The following FAM135B variants were observed in gnomAD, a reference collection of about 807,000 sequenced individuals.
FAM135B encodes family with sequence similarity 135 member B.
Under a neutral mutation model 127.7 loss-of-function variants are expected in FAM135B, and 43 were observed. That is an observed-to-expected ratio of 0.34 (90% CI 0.26 to 0.43). The LOEUF (loss-of-function observed/expected upper bound fraction) is 0.43, where lower values mean the gene tolerates loss of function less well. Ranked by LOEUF, FAM135B falls within the 20% of genes least tolerant of loss-of-function variation. FAM135B has a pLI of 1.00. For missense variants in FAM135B, 1,558 were observed against 1,725.6 expected (o/e 0.90, Z 1.72); for synonymous variants, 670 against 665.1 (o/e 1.01, Z -0.11).
intron 12 of FAM135B, among the ~76,000 whole-genome samples, chr8:138,164,426 C>A (rs115758565): frequency 6.6e-6 from 1 of 152,186 alleles, no homozygotes; most frequent in Non-Finnish European, 1.5e-5. Context: ...CAAAGAGAGG[C>A]TGGTCCTAAA....
chr8:138,197,535 C>T lies in FAM135B; in HGVS notation c.804G>A (p.Glu268=), dbSNP rs2131136542. 1 of 1,614,110 alleles carries T rather than the reference C, an allele frequency of 6.2e-7. No homozygotes were observed. Among genetic ancestry groups the T allele is most frequent in the Non-Finnish European group, 8.5e-7 (1 of 1,180,006 alleles). The change falls in exon 8 of 20, where the codon GAG becomes GAA. Residue 268 remains glutamate (E), a synonymous_variant. Coordinates refer to ENST00000395297, the MANE Select transcript of FAM135B (RefSeq NM_015912.4). ...HFLVIMRDIP[E]LPHTELEALA... is the part of the protein sequence containing the mutation. Reference sequence around the variant, plus strand: ...CCTTACCCAGCTCCGTGTGTGGCAGCTCTGGGATGTCCCGCATGATCACCA... The same window carrying T: ...CCTTACCCAGCTCCGTGTGTGGCAGTTCTGGGATGTCCCGCATGATCACCA...
intron 7 of FAM135B, among the ~76,000 whole-genome samples, chr8:138,203,074 C>A (rs1282834525): frequency 6.6e-6 from 1 of 152,208 alleles, no homozygotes; most frequent in Non-Finnish European, 1.5e-5. Context: ...TACTTGATAA[C>A]TGTTAGATAA....
intron 11 of FAM135B, among the ~76,000 whole-genome samples, chr8:138,170,217 C>CTT (rs141401317): frequency 0.028 from 3,169 of 111,930 alleles, 161 homozygotes; most frequent in African/African-American, 0.1. Flanking sequence ...CTGTTACTAT[C>CTT]TTTTTTTTTT....
intron 7 of FAM135B, among the ~76,000 whole-genome samples, chr8:138,216,195 C>T (rs930583721): frequency 6.6e-6 from 1 of 152,012 alleles, no homozygotes; most frequent in African/African-American, 2.4e-5. Flanking sequence ...TTGCTGGTTG[C>T]CAATTAAAAT....
chr8:138,378,580 C>T (rs1233566197), intron 1 of FAM135B, among the ~76,000 whole-genome samples: 1 of 152,158 alleles, frequency 6.6e-6, no homozygotes, highest in Non-Finnish European at 1.5e-5. Context: ...TTCTTCAGGG[C>T]CTCCCTGCTG....
At chr8:138,486,001 A>C (rs1449292816) in intron 1 of FAM135B, among the ~76,000 whole-genome samples, 1 of 152,062 alleles carries the variant, frequency 6.6e-6, no homozygotes, top group Non-Finnish European at 1.5e-5. Context: ...AAAGCCTCCT[A>C]GGTAATTGCA....
At chr8:138,135,524 T>G (rs1357084309) in intron 19 of FAM135B, among the ~76,000 whole-genome samples, 1 of 152,134 alleles carries the variant, frequency 6.6e-6, no homozygotes, top group African/African-American at 2.4e-5. Context: ...AATTAATATT[T>G]AATCTGAGAG....
intron 16 of FAM135B, among the ~76,000 whole-genome samples, chr8:138,142,367 A>G (rs367722413): frequency 2.9e-3 from 387 of 132,552 alleles, no homozygotes; most frequent in African/African-American, 0.011. Flanking sequence ...GTGGCGCAAT[A>G]ATCTCGGCTC....
At chr8:138,469,234 A>G (rs969131387) in intron 1 of FAM135B, among the ~76,000 whole-genome samples, 2 of 152,130 alleles carry the variant, frequency 1.3e-5, no homozygotes, top group African/African-American at 2.4e-5. Context: ...GAGAGAGAGA[A>G]AGAAAGTTAC....
chr8:138,142,948 C>A, intron 16 of FAM135B, 64 bp downstream of exon 16: 1 of 842,194 alleles, frequency 1.2e-6, no homozygotes, highest in Non-Finnish European at 2.1e-6. Context: ...TGCTTTTATA[C>A]AGCAAACACT....
intron 1 of FAM135B, among the ~76,000 whole-genome samples, chr8:138,451,302 AC>A (rs1352062200): frequency 6.6e-6 from 1 of 152,212 alleles, no homozygotes; most frequent in Non-Finnish European, 1.5e-5. Context: ...GCTACCAAGA[AC>A]CTTGACTGAC....
At chr8:138,316,493 C>G (rs887352665) in intron 2 of FAM135B, among the ~76,000 whole-genome samples, 1 of 147,218 alleles carries the variant, frequency 6.8e-6, no homozygotes, top group Admixed American at 6.7e-5. Context: ...GACTCCGTCT[C>G]AAAAAACAAA....
At chr8:138,329,105 T>C (rs1827998472) in intron 2 of FAM135B, among the ~76,000 whole-genome samples, 1 of 151,676 alleles carries the variant, frequency 6.6e-6, no homozygotes, top group African/African-American at 2.4e-5. Context: ...ACATAGGTGA[T>C]CGATTGAAAA....
chr8:138,304,408 G>A (rs1203887439), intron 3 of FAM135B, among the ~76,000 whole-genome samples: 1 of 152,230 alleles, frequency 6.6e-6, no homozygotes, highest in Non-Finnish European at 1.5e-5. Flanking sequence ...GCACAGAAAT[G>A]CAGGTGGGGT....
In FAM135B at chr8:138,152,971, T is replaced by C. The variant is rs573191990; in HGVS notation, c.1504A>G (p.Ile502Val). 27 of 1,614,212 alleles carry C rather than the reference T, an allele frequency of 1.7e-5. No homozygotes were observed. In the East Asian group the frequency reaches 5.6e-4, roughly 33 times the overall value. Reference sequence around the variant, plus strand: ...TTGTTTTGAAATTCACCAATTGATATATACACCTGAGATTCAGAGCACATG... The same window carrying C: ...TTGTTTTGAAATTCACCAATTGATACATACACCTGAGATTCAGAGCACATG... Reference protein sequence around the residue: ...MDMCSESQVYISIGEFQNKAG... With the variant: ...MDMCSESQVYVSIGEFQNKAG... The change falls in exon 13 of 20, where the codon ATA becomes GTA. Residue 502 changes from isoleucine (I) to valine (V), a missense_variant. Ile to Val is a conservative substitution (Grantham distance 29, BLOSUM62 3). Transcript: ENST00000395297.
intron 9 of FAM135B, among the ~76,000 whole-genome samples, chr8:138,192,629 A>G (rs1325545323): frequency 2.3e-4 from 35 of 152,012 alleles, no homozygotes; most frequent in Admixed American, 2.3e-3. Flanking sequence ...TCACCCAGGA[A>G]CAGACTCAGC....
chr8:138,377,373 A>G (rs1831545566), intron 1 of FAM135B, among the ~76,000 whole-genome samples: 1 of 152,228 alleles, frequency 6.6e-6, no homozygotes, highest in Non-Finnish European at 1.5e-5. Context: ...TTCTGCTGCT[A>G]TAACAGAATA....
intron 3 of FAM135B, among the ~76,000 whole-genome samples, chr8:138,279,738 T>C (rs1267967983): frequency 6.6e-6 from 1 of 152,170 alleles, no homozygotes; most frequent in Non-Finnish European, 1.5e-5. Context: ...CCACCTCCTA[T>C]TTTACCCATC....
chr8:138,398,822 T>A (rs911648076), intron 1 of FAM135B, among the ~76,000 whole-genome samples: 6 of 152,208 alleles, frequency 3.9e-5, no homozygotes, highest in African/African-American at 1.2e-4. Flanking sequence ...TCGGTCTTCA[T>A]ATATATTTAG....
Sources: allele counts gnomAD v4.1 joint callset (sites outside exome capture counted in the v4.1 genomes callset), GRCh38; gene constraint gnomAD v4.1.1; transcripts MANE v1.5; gene names NCBI Gene and HGNC (gene_info 2026-07-23, HGNC 2026-07-21).